SEL1L2: variants seen among roughly 807,000 people sequenced by gnomAD.
The protein encoded by SEL1L2 is protein sel-1 homolog 2.
Under a neutral mutation model 98.8 loss-of-function variants are expected in SEL1L2, and 89 were observed. The observed-to-expected ratio is 0.90, with a 90% CI of 0.76 to 1.07. The LOEUF (loss-of-function observed/expected upper bound fraction) is 1.07. Ranked by LOEUF, SEL1L2 falls within the 50% of genes least tolerant of loss-of-function variation. SEL1L2 has a pLI of 0.00. For missense variants in SEL1L2, 788 were observed against 812.0 expected, an observed-to-expected ratio of 0.97 and a Z score of 0.36; for synonymous variants, 262 against 278.5, an observed-to-expected ratio of 0.94 and a Z score of 0.59.
intron 5 of SEL1L2, among the ~76,000 whole-genome samples, chr20:13,900,841 C>G (rs1336094867): frequency 2.0e-5 from 3 of 152,250 alleles, no homozygotes; most frequent in African/African-American, 7.2e-5. Context: ...TGGGGGCTCA[C>G]CTGGCAACAA....
At chr20:13,897,793 A>C (rs985951793) in intron 5 of SEL1L2, among the ~76,000 whole-genome samples, 3 of 152,110 alleles carry the variant, frequency 2.0e-5, no homozygotes, top group Non-Finnish European at 2.9e-5. Context: ...TGAACCCAAA[A>C]GGTGGAGGTT....
At chr20:13,889,885 C>T (rs1345495995) in intron 5 of SEL1L2, among the ~76,000 whole-genome samples, 40 of 152,210 alleles carry the variant, frequency 2.6e-4, no homozygotes, top group Admixed American at 2.6e-3. Flanking sequence ...CAAACAATAA[C>T]AAATATACAG....
At chr20:13,896,394 C>T (rs1327963945) in intron 5 of SEL1L2, among the ~76,000 whole-genome samples, 4 of 151,582 alleles carry the variant, frequency 2.6e-5, no homozygotes, top group Admixed American at 6.6e-5. Context: ...GGCGTGAACC[C>T]GGAAGGTGGA....
intron 2 of SEL1L2, among the ~76,000 whole-genome samples, chr20:13,952,355 C>T (rs191771201): frequency 6.6e-6 from 1 of 152,192 alleles, no homozygotes; most frequent in African/African-American, 2.4e-5. Flanking sequence ...TAAAGCCAAG[C>T]CTCCCATTTC....
At chr20:13,892,237 G>T (rs972628019) in intron 5 of SEL1L2, among the ~76,000 whole-genome samples, 1 of 152,062 alleles carries the variant, frequency 6.6e-6, no homozygotes, top group African/African-American at 2.4e-5. Context: ...ATCACCTGAG[G>T]TCAGGAGCTT....
At position 13,939,035 on chromosome 20, in the gene SEL1L2, G is replaced by GTTT. The variant is rs779584914; in HGVS notation, c.115-7267_115-7265dup. Reference sequence around the variant, plus strand: ...TTTTTTCTTTTTGGTTTGTTTGCTTGTTTTGTTTTTTTTTTTTTTTTTTTC... The same window carrying GTTT: ...TTTTTTCTTTTTGGTTTGTTTGCTTGTTTTTTTGTTTTTTTTTTTTTTTTTTTC... On this transcript the variant is annotated intron_variant, in intron 2 of 19. Transcript: ENST00000284951. 1.3e-3 allele frequency among the ~76,000 whole-genome samples: 42 copies of GTTT among 31,454 alleles called. 4 individuals are homozygous for GTTT. The highest frequency in any genetic ancestry group is 5.9e-3 in the East Asian group (7 of 1,192). 20.6% of individuals were successfully genotyped at this position (31,454 alleles called of 152,430 possible).
At chr20:13,981,351 A>G (rs1246176517) in intron 1 of SEL1L2, among the ~76,000 whole-genome samples, 1 of 152,212 alleles carries the variant, frequency 6.6e-6, no homozygotes, top group Admixed American at 6.5e-5. Flanking sequence ...TACAGTTTCA[A>G]TTAGATGGTA....
At chr20:13,907,696 CTTTCTCTTTCTTTCTTTCTT>C (rs1266282344) in intron 5 of SEL1L2, among the ~76,000 whole-genome samples, 2 of 138,696 alleles carry the variant, frequency 1.4e-5, no homozygotes, top group Non-Finnish European at 3.1e-5. Flanking sequence ...TTCTTTCTTT[CTTTCTCTTTCTTTCTTTCTT>C]TCTTTCTTTC....
Position 13,931,783 on chromosome 20 carries a change from A to G in SEL1L2, c.115-12T>C. ...TCGTTCACTGATACCTACAAAGAAA[A>G]AGACTGTTGCTCATTTTGTTCATGT... On this transcript the variant is annotated splice_polypyrimidine_tract_variant and intron_variant, in intron 2 of 19. Transcript: ENST00000284951. 6.7e-7 allele frequency: 1 copy of G among 1,500,740 alleles called. No individual in the cohort carries two copies. Among genetic ancestry groups the G allele is most frequent in the Non-Finnish European group, 8.9e-7 (1 of 1,128,196 alleles). The allele number at this position is 1,500,740 out of a possible 1,614,324, so 93.0% of individuals were successfully genotyped here.
intron 1 of SEL1L2, among the ~76,000 whole-genome samples, chr20:13,982,781 T>G (rs1365055088): frequency 6.6e-6 from 1 of 151,244 alleles, no homozygotes; most frequent in African/African-American, 2.4e-5. Context: ...ATCCCAGCAC[T>G]TTGGGAGGCC....
At chr20:13,887,272 T>C (rs978295782) in intron 8 of SEL1L2, among the ~76,000 whole-genome samples, 2 of 152,198 alleles carry the variant, frequency 1.3e-5, no homozygotes, top group African/African-American at 4.8e-5. Context: ...TCCTCCTTCT[T>C]TCTTTTCTCA....
intron 1 of SEL1L2, among the ~76,000 whole-genome samples, chr20:13,956,617 A>G (rs973178809): frequency 7.9e-5 from 12 of 152,284 alleles, no homozygotes; most frequent in African/African-American, 2.9e-4. Flanking sequence ...GTAGACTGAT[A>G]ATTATACCAG....
At chr20:13,991,618 T>C (rs1279119055), upstream of SEL1L2, among the ~76,000 whole-genome samples, 1 of 152,186 alleles carries the variant, frequency 6.6e-6, no homozygotes. Flanking sequence ...TAATCTCCCT[T>C]TGTGCCCCTC....
At chr20:13,898,164 CAA>C (rs1378074813) in intron 5 of SEL1L2, among the ~76,000 whole-genome samples, 2 of 152,266 alleles carry the variant, frequency 1.3e-5, no homozygotes, top group African/African-American at 2.4e-5. Flanking sequence ...AGCAGACTCT[CAA>C]AGAGTCTAGT....
chr20:13,917,022 C>A (rs940788845), intron 4 of SEL1L2, among the ~76,000 whole-genome samples: 2 of 152,038 alleles, frequency 1.3e-5, no homozygotes, highest in Non-Finnish European at 2.9e-5. Flanking sequence ...TTACCTGGGA[C>A]CTTCTCAGAG....
At chr20:13,917,847 T>G (rs909962139) in intron 4 of SEL1L2, among the ~76,000 whole-genome samples, 1 of 128,502 alleles carries the variant, frequency 7.8e-6, no homozygotes, top group Admixed American at 9.5e-5. Flanking sequence ...ACCCAGAGGC[T>G]AGAGTGTTAT....
intron 4 of SEL1L2, among the ~76,000 whole-genome samples, chr20:13,917,980 G>C (rs541277124): frequency 6.6e-6 from 1 of 151,184 alleles, no homozygotes; most frequent in South Asian, 2.1e-4. Context: ...TTGTAGAGAC[G>C]GGGTTTCACC....
chr20:13,886,393 T>A lies in SEL1L2; in HGVS notation c.795A>T (p.Arg265Ser). The A allele has an allele frequency of 6.2e-7, 1 of 1,613,974 alleles. No individual in the cohort carries two copies. The highest frequency in any genetic ancestry group is 8.5e-7 in the Non-Finnish European group (1 of 1,179,906). Residue 265 changes from arginine to serine, a missense_variant, in exon 9 of 20, where the codon AGA becomes AGT. Coordinates refer to ENST00000284951, the MANE Select transcript of SEL1L2 (RefSeq NM_025229.2). ...KSEGVPVEKV[R>S]LTERPENLSS... ...TCAGATTTTCAGGTCTTTCCGTTAG[T>A]CTCACTTTTTCCACTGGAACACCTT...
chr20:13,882,812 C>T lies in SEL1L2; in HGVS notation c.957+2535G>A, dbSNP rs956092992. Among the ~76,000 whole-genome samples the T allele has an allele frequency of 6.4e-3, 684 of 107,196 alleles. 9 individuals are homozygous for T. Among genetic ancestry groups the T allele is most frequent in the African/African-American group, 0.021 (613 of 28,654 alleles). 70.3% of individuals were successfully genotyped at this position (107,196 alleles called of 152,430 possible). On this transcript the variant is annotated intron_variant, in intron 10 of 19. Coordinates refer to ENST00000284951, the MANE Select transcript of SEL1L2 (RefSeq NM_025229.2). ...ATAACTGATAGATAAGTCAATTTGT[C>T]TTTTTTTTTTTTTTTTTTTTTTGAG...
Sources: allele counts gnomAD v4.1 joint callset (sites outside exome capture counted in the v4.1 genomes callset), GRCh38; gene constraint gnomAD v4.1.1; transcripts MANE v1.5; gene names NCBI Gene and HGNC (gene_info 2026-07-23, HGNC 2026-07-21).